NPAS3: variants seen among roughly 807,000 people sequenced by gnomAD.
NPAS3 encodes neuronal PAS domain protein 3, also known as neuronal PAS domain-containing protein 3.
In NPAS3, 14 loss-of-function variants were observed where a neutral mutation model predicts 73.1. That is an observed-to-expected ratio of 0.19 (90% CI 0.13 to 0.30). The LOEUF (loss-of-function observed/expected upper bound fraction) is 0.30. NPAS3 is among the 10% of genes least tolerant of loss of function. NPAS3 has a pLI of 1.00. For synonymous variants in NPAS3, 620 were observed against 541.5 expected, an observed-to-expected ratio of 1.14 and a Z score of -2.01; for missense variants, 1,096 against 1,250.0, an observed-to-expected ratio of 0.88 and a Z score of 1.86.
chr14:32,961,110 C>T (rs1022840892), intron 1 of NPAS3, among the ~76,000 whole-genome samples: 1 of 151,964 alleles, frequency 6.6e-6, no homozygotes, highest in African/African-American at 2.4e-5. Context: ...AATTACAATT[C>T]TCTGAAAAAA....
intron 5 of NPAS3, among the ~76,000 whole-genome samples, chr14:33,588,577 T>A (rs1415218842): frequency 6.6e-6 from 1 of 152,228 alleles, no homozygotes; most frequent in Non-Finnish European, 1.5e-5. Context: ...TTCTGAAAGC[T>A]ATGAAAGATT....
intron 4 of NPAS3, among the ~76,000 whole-genome samples, chr14:33,443,147 G>T (rs770996901): frequency 1.3e-5 from 2 of 151,970 alleles, no homozygotes; most frequent in Non-Finnish European, 2.9e-5. Context: ...ATTGTTCATA[G>T]TTATTACTCC....
At chr14:33,364,030 T>A (rs539586556) in intron 3 of NPAS3, among the ~76,000 whole-genome samples, 10 of 151,956 alleles carry the variant, frequency 6.6e-5, no homozygotes, top group African/African-American at 2.4e-4. Flanking sequence ...AACAAATAAA[T>A]GAAATATGTC....
At chr14:33,363,950 T>TGTGTGTGTGTGTG (rs1255918276) in intron 3 of NPAS3, among the ~76,000 whole-genome samples, 3 of 34,624 alleles carry the variant, frequency 8.7e-5, no homozygotes. Context: ...GTGTGTGTGT[T>TGTGTGTGTGTGTG]GTGTGTGTGT....
At chr14:33,647,213 A>G (rs1307831667) in intron 5 of NPAS3, among the ~76,000 whole-genome samples, 1 of 151,990 alleles carries the variant, frequency 6.6e-6, no homozygotes, top group Non-Finnish European at 1.5e-5. Context: ...GAATGCACCA[A>G]ATGGCATAGC....
At chr14:32,949,014 T>C (rs150650969) in intron 1 of NPAS3, among the ~76,000 whole-genome samples, 9 of 152,242 alleles carry the variant, frequency 5.9e-5, no homozygotes, top group East Asian at 3.9e-4. Flanking sequence ...TCAGGAACTT[T>C]AGTTTCTTTG....
chr14:33,404,683 C>A (rs945563268), intron 4 of NPAS3, among the ~76,000 whole-genome samples: 1 of 151,968 alleles, frequency 6.6e-6, no homozygotes, highest in African/African-American at 2.4e-5. Flanking sequence ...TAGAGGCCAC[C>A]TAGCTTAGAT....
chr14:33,259,786 T>A (rs1260312772), intron 3 of NPAS3, among the ~76,000 whole-genome samples: 1 of 151,928 alleles, frequency 6.6e-6, no homozygotes, highest in African/African-American at 2.4e-5. Flanking sequence ...TAGAATCAGA[T>A]AAAAACCAGT....
chr14:33,106,212 A>C (rs1292735016), intron 2 of NPAS3, among the ~76,000 whole-genome samples: 4 of 152,196 alleles, frequency 2.6e-5, no homozygotes, highest in African/African-American at 9.7e-5. Context: ...ATTATTTTGT[A>C]AGATAAACTA....
At chr14:33,581,395 C>T (rs2056656389) in intron 5 of NPAS3, among the ~76,000 whole-genome samples, 1 of 152,020 alleles carries the variant, frequency 6.6e-6, no homozygotes, top group Non-Finnish European at 1.5e-5. Flanking sequence ...GCATCAAATT[C>T]ACAACAAAAA....
At chr14:33,245,882 A>G (rs1367391827) in intron 3 of NPAS3, among the ~76,000 whole-genome samples, 2 of 151,850 alleles carry the variant, frequency 1.3e-5, no homozygotes, top group Non-Finnish European at 2.9e-5. Context: ...AATGTACAAT[A>G]TCAATACCAA....
intron 6 of NPAS3, among the ~76,000 whole-genome samples, chr14:33,698,727 AT>A (rs1209188599): frequency 1.3e-5 from 2 of 152,216 alleles, no homozygotes; most frequent in Non-Finnish European, 2.9e-5. Context: ...AGAATTCCCT[AT>A]TTAAAATAAT....
At chr14:33,647,383 G>A (rs903450383) in intron 5 of NPAS3, among the ~76,000 whole-genome samples, 17 of 151,444 alleles carry the variant, frequency 1.1e-4, no homozygotes, top group Admixed American at 4.6e-4. Flanking sequence ...CAGCATCTTC[G>A]AAGTGTATTA....
intron 3 of NPAS3, among the ~76,000 whole-genome samples, chr14:33,361,044 C>T (rs964779949): frequency 7.2e-5 from 11 of 152,126 alleles, no homozygotes; most frequent in Admixed American, 1.3e-4. Context: ...ATATGTAGCC[C>T]GTGTGAGGGA....
chr14:33,056,858 C>T (rs901635411), intron 2 of NPAS3, among the ~76,000 whole-genome samples: 3 of 152,100 alleles, frequency 2.0e-5, no homozygotes, highest in Non-Finnish European at 4.4e-5. Context: ...AACATAATTC[C>T]ACTGAAGGCA....
chr14:32,967,778 G>T (rs934602796), intron 1 of NPAS3, among the ~76,000 whole-genome samples: 25 of 150,174 alleles, frequency 1.7e-4, no homozygotes, highest in Admixed American at 1.3e-3. Flanking sequence ...ATGTGGGGGG[G>T]GGTCCTAAAA....
upstream of NPAS3, among the ~76,000 whole-genome samples, chr14:32,936,440 G>C (rs115762460): frequency 4.6e-4 from 70 of 152,122 alleles, no homozygotes; most frequent in African/African-American, 1.7e-3. Context: ...AAAGATCTGG[G>C]ACTCTTTCAA....
At chr14:33,779,022 G>A (rs559980099) in intron 9 of NPAS3, among the ~76,000 whole-genome samples, 1 of 152,340 alleles carries the variant, frequency 6.6e-6, no homozygotes, top group Admixed American at 6.5e-5. Context: ...GGGAAGCCAG[G>A]GAGATGGGGC....
At chr14:33,783,374 C>T (rs995355351) in intron 9 of NPAS3, among the ~76,000 whole-genome samples, 1 of 152,078 alleles carries the variant, frequency 6.6e-6, no homozygotes, top group African/African-American at 2.4e-5. Flanking sequence ...TGGACTCTTC[C>T]CAGAGCAAGT....
Sources: gnomAD v4.1 joint callset for allele counts (sites outside exome capture counted in the v4.1 genomes callset) on GRCh38, gnomAD v4.1.1 for gene constraint, MANE v1.5 for transcripts, NCBI Gene and HGNC (gene_info 2026-07-23, HGNC 2026-07-21) for gene names.